Variants in ETV7 observed in about 807,000 individuals in gnomAD.
ETV7 encodes ETS variant transcription factor 7.
A neutral mutation model predicts 39.1 loss-of-function variants in ETV7; 43 were observed. The observed-to-expected ratio is 1.10, with a 90% CI of 0.86 to 1.42. The LOEUF (loss-of-function observed/expected upper bound fraction) is 1.42, where lower values mean the gene tolerates loss of function less well. Among genes scored for constraint, ETV7 ranks in the 40% most tolerant of loss-of-function variants. ETV7 has a pLI of 0.00. For missense variants in ETV7, 432 were observed against 442.3 expected (o/e 0.98, Z 0.21); for synonymous variants, 196 against 176.6 (o/e 1.11, Z -0.87).
At chr6:36,376,159 G>C (rs1002701776) in intron 2 of ETV7, 124 bp from the exon 3 acceptor site, 66 of 778,598 alleles carry the variant, frequency 8.5e-5, no homozygotes, top group Non-Finnish European at 1.2e-4. Context: ...ATCTTCTGTC[G>C]CTGCCACCTG....
chr6:36,360,671 G>C (rs1582162075), intron 7 of ETV7, among the ~76,000 whole-genome samples: 2 of 152,132 alleles, frequency 1.3e-5, no homozygotes, highest in African/African-American at 2.4e-5. Flanking sequence ...AGAGGCTTTT[G>C]CACCACCTAG....
chr6:36,363,205 C>T (rs111385696), downstream of ETV7, among the ~76,000 whole-genome samples: 11,307 of 152,282 alleles, frequency 0.074, 541 homozygotes, highest in African/African-American at 0.13. Context: ...CGCGGTGAGT[C>T]TTACAGCTCT....
chr6:36,368,897 A>G, intron 6 of ETV7, 32 bp downstream of exon 6: 6 of 1,614,020 alleles, frequency 3.7e-6, no homozygotes, highest in Non-Finnish European at 5.1e-6. Context: ...CCTTCTGGTT[A>G]TGTTGAGACC....
chr6:36,363,120 G>C (rs1216901778), downstream of ETV7, among the ~76,000 whole-genome samples: 1 of 152,260 alleles, frequency 6.6e-6, no homozygotes, highest in Non-Finnish European at 1.5e-5. Context: ...CAGCTCTGGG[G>C]TGAGGAGGTG....
chr6:36,363,597 T>C (rs141919952), downstream of ETV7, among the ~76,000 whole-genome samples: 1 of 152,228 alleles, frequency 6.6e-6, no homozygotes, highest in Non-Finnish European at 1.5e-5. Context: ...GCTCCCACGG[T>C]GTCAAAGGGG....
Position 36,366,941 on chromosome 6 carries a change from C to T in ETV7, c.842G>A (p.Arg281His), listed in dbSNP as rs771796962. ...RVNMTYEKMSRALRHYYKLNI... is the reference protein window; with the variant it reads ...RVNMTYEKMSHALRHYYKLNI... ...AAGCTTATAATAGTGGCGCAGGGCA[C>T]GAGACATCTTCTCGTAGGTCATGTT... The change falls in exon 7 of 8, where the codon CGT (arginine) becomes CAT (histidine). Residue 281 changes from arginine to histidine, a missense_variant. Transcript: ENST00000340181. 1.7e-5 allele frequency: 28 copies of T among 1,613,878 alleles called. No individual in the cohort carries two copies. The highest frequency in any genetic ancestry group is 3.3e-5 in the South Asian group (3 of 91,078).
chr6:36,372,210 G>T (rs560291255), intron 4 of ETV7, among the ~76,000 whole-genome samples: 1 of 152,278 alleles, frequency 6.6e-6, no homozygotes, highest in African/African-American at 2.4e-5. Context: ...AGCAGAGAGG[G>T]GATGCCAGGC....
Position 36,366,988 on chromosome 6 carries a change from GCAGCCCCACAT to G in ETV7, c.808-24_808-14del. The G allele has an allele frequency of 6.2e-7, 1 of 1,610,422 alleles. No individual in the cohort carries two copies. Among genetic ancestry groups the G allele is most frequent in the Non-Finnish European group, 8.5e-7 (1 of 1,176,814 alleles). On this transcript the variant is annotated splice_polypyrimidine_tract_variant and intron_variant, in intron 6 of 7. Transcript: ENST00000340181. ...TGTTCACCCGGTTCTGGAAAGCAAA[GCAGCCCCACAT>G]CAGCCCCACTCCCCATGTCCTGCTC...
intron 7 of ETV7, among the ~76,000 whole-genome samples, chr6:36,355,325 C>A (rs1031784125): frequency 3.3e-4 from 50 of 151,370 alleles, no homozygotes; most frequent in Admixed American, 3.2e-3. Flanking sequence ...TTTTCCCTAT[C>A]TATTGAGATG....
At chr6:36,357,579 A>G (rs1184324248) in intron 7 of ETV7, among the ~76,000 whole-genome samples, 1 of 152,166 alleles carries the variant, frequency 6.6e-6, no homozygotes, top group Non-Finnish European at 1.5e-5. Context: ...GGCGCCTCCC[A>G]TAAGAACACC....
At position 36,366,708 on chromosome 6, in the gene ETV7, C is replaced by T. The variant is rs766509638; in HGVS notation, c.963G>A (p.Pro321=). The T allele has an allele frequency of 1.9e-5, 30 of 1,614,074 alleles. No individual in the cohort carries two copies. Among genetic ancestry groups the T allele is most frequent in the South Asian group, 1.4e-4 (13 of 91,088 alleles). Residue 321 remains proline, a synonymous_variant, in exon 8 of 8, where the codon CCG becomes CCA. Coordinates refer to ENST00000340181, the MANE Select transcript of ETV7 (RefSeq NM_016135.4). ...TTCTGTCCTGCTCCTGGCTCTCCAGCGGCTCCAGGTGGCTGTGCTTGTCCT... is the reference window on the plus strand; with the variant it reads ...TTCTGTCCTGCTCCTGGCTCTCCAGTGGCTCCAGGTGGCTGTGCTTGTCCT... The part of the protein sequence containing the change: ...MVQDKHSHLE[P]LESQEQDRIE...
At chr6:36,363,197 C>T (rs1235945722), downstream of ETV7, among the ~76,000 whole-genome samples, 2 of 152,354 alleles carry the variant, frequency 1.3e-5, no homozygotes, top group East Asian at 1.9e-4. Context: ...CGGACCCTCG[C>T]GGTGAGTCTT....
chr6:36,371,430 C>T lies in ETV7; in HGVS notation c.564G>A (p.Glu188=). The T allele has an allele frequency of 6.2e-7, 1 of 1,601,222 alleles. No individual in the cohort carries two copies. Among genetic ancestry groups the T allele is most frequent in the Non-Finnish European group, 8.5e-7 (1 of 1,173,302 alleles). The change falls in exon 5 of 8, where the codon GAG becomes GAA. Residue 188 remains glutamate, a synonymous_variant. Transcript: ENST00000340181. ...CTGCACAGTGACATAAGTTGAGGGACTCCTCCTTGCCAGGGGTCCACCTTG... is the reference window on the plus strand; with the variant it reads ...CTGCACAGTGACATAAGTTGAGGGATTCCTCCTTGCCAGGGGTCCACCTTG... ...GLARWTPGKE[E]SLNLCHCAEL...
At chr6:36,377,078 C>T (rs925076227) in intron 2 of ETV7, among the ~76,000 whole-genome samples, 7 of 152,172 alleles carry the variant, frequency 4.6e-5, no homozygotes, top group African/African-American at 9.7e-5. Flanking sequence ...GGGACTGCTA[C>T]GCTCCTAATG....
intron 2 of ETV7, among the ~76,000 whole-genome samples, chr6:36,383,581 T>C (rs1389987689): frequency 6.6e-6 from 1 of 152,098 alleles, no homozygotes; most frequent in African/African-American, 2.4e-5. Flanking sequence ...GGAATAAACA[T>C]CAGAGAGATG....
chr6:36,380,477 C>A (rs1489772771), intron 2 of ETV7, among the ~76,000 whole-genome samples: 1 of 152,218 alleles, frequency 6.6e-6, no homozygotes, highest in Non-Finnish European at 1.5e-5. Flanking sequence ...TGGACAGAGT[C>A]CCCTGGCTGG....
Position 36,356,918 on chromosome 6 carries a change from C to G in ETV7, c.909-2231G>C, listed in dbSNP as rs533549034. ...AAATTTGCGGGACCCCATCACCACC[C>G]GTGAAAACATCATCACAGGTTAATT... On this transcript the variant is annotated intron_variant, in intron 7 of 7. Transcript: ENST00000339796. 3.9e-5 allele frequency among the ~76,000 whole-genome samples: 6 copies of G among 152,274 alleles called. No individual in the cohort carries two copies. In the Middle Eastern group the frequency reaches 0.01, roughly 259 times the overall value.
At chr6:36,376,915 T>C (rs1773399829) in intron 2 of ETV7, among the ~76,000 whole-genome samples, 1 of 152,204 alleles carries the variant, frequency 6.6e-6, no homozygotes, top group Non-Finnish European at 1.5e-5. Context: ...TGAACTTTTC[T>C]GCTCCATTGT....
At chr6:36,363,007 A>C (rs1001298874), downstream of ETV7, among the ~76,000 whole-genome samples, 3 of 152,204 alleles carry the variant, frequency 2.0e-5, no homozygotes, top group Non-Finnish European at 2.9e-5. Flanking sequence ...GGGCTGGGCC[A>C]TGTGATCTTG....
Sources: gnomAD v4.1 joint callset for allele counts (sites outside exome capture counted in the v4.1 genomes callset) on GRCh38, gnomAD v4.1.1 for gene constraint, MANE v1.5 for transcripts, NCBI Gene and HGNC (gene_info 2026-07-23, HGNC 2026-07-21) for gene names.